TOX2: variants seen among roughly 807,000 people sequenced by gnomAD.
The protein encoded by TOX2 is TOX high mobility group box family member 2, also known as granulosa cell HMG box 1.
TOX2 carries 15 observed loss-of-function variants against 47.4 expected under a neutral mutation model. That is an observed-to-expected ratio of 0.32 (90% CI 0.21 to 0.49). The LOEUF (loss-of-function observed/expected upper bound fraction) is 0.49, where lower values mean the gene tolerates loss of function less well. Among genes scored for constraint, TOX2 ranks in the 20% least tolerant of loss-of-function variants. The probability of loss-of-function intolerance (pLI) is 0.99; values close to 1 mark genes in which losing one functional copy is unlikely to be tolerated. For missense variants in TOX2, 622 were observed against 673.1 expected, an observed-to-expected ratio of 0.92 and a Z score of 0.84; for synonymous variants, 290 against 296.6, an observed-to-expected ratio of 0.98 and a Z score of 0.23.
At chr20:43,925,910 C>T (rs1292073059) in intron 1 of TOX2, among the ~76,000 whole-genome samples, 1 of 152,142 alleles carries the variant, frequency 6.6e-6, no homozygotes, top group Non-Finnish European at 1.5e-5. Context: ...GGAATTTGGC[C>T]CGAGCTTGCT....
intron 1 of TOX2, among the ~76,000 whole-genome samples, chr20:43,920,868 C>T (rs1338609883): frequency 1.3e-5 from 2 of 152,290 alleles, no homozygotes; most frequent in South Asian, 2.1e-4. Context: ...GGGAATGGTG[C>T]TTTTTGAGGA....
Position 44,069,022 on chromosome 20 carries a change from C to T in TOX2, c.*336C>T, listed in dbSNP as rs1366912329. 2 of 453,892 alleles carry T rather than the reference C, an allele frequency of 4.4e-6. No homozygotes were observed. The highest frequency in any genetic ancestry group is 3.7e-5 in the South Asian group (2 of 53,394). 28.1% of individuals were successfully genotyped at this position (453,892 alleles called of 1,614,324 possible). ...CCAGCCCCAGCCCAGGTGGGCCGCCCCTGGCGGGGTCGCTTACCAACGGAC... is the reference window on the plus strand; with the variant it reads ...CCAGCCCCAGCCCAGGTGGGCCGCCTCTGGCGGGGTCGCTTACCAACGGAC... On this transcript the variant is annotated 3_prime_UTR_variant, in exon 9 of 9. Coordinates refer to ENST00000341197, the MANE Select transcript of TOX2 (RefSeq NM_001098797.2).
At chr20:44,028,103 C>A (rs2071093003) in intron 3 of TOX2, among the ~76,000 whole-genome samples, 1 of 152,186 alleles carries the variant, frequency 6.6e-6, no homozygotes, top group African/African-American at 2.4e-5. Flanking sequence ...ACAGCTGTGA[C>A]AAGTTCAATG....
At chr20:43,942,384 A>G (rs754267398) in intron 1 of TOX2, among the ~76,000 whole-genome samples, 55 of 152,360 alleles carry the variant, frequency 3.6e-4, no homozygotes, top group Non-Finnish European at 6.6e-4. Flanking sequence ...GAACAGCTGA[A>G]CAACAAGGAA....
At chr20:43,956,664 G>A (rs1014772827) in intron 1 of TOX2, among the ~76,000 whole-genome samples, 1 of 151,946 alleles carries the variant, frequency 6.6e-6, no homozygotes, top group Non-Finnish European at 1.5e-5. Context: ...AAGCCCTTGA[G>A]TGCTCGTCCC....
At chr20:43,966,587 G>A (rs1413541038) in intron 1 of TOX2, among the ~76,000 whole-genome samples, 7 of 151,910 alleles carry the variant, frequency 4.6e-5, no homozygotes, top group African/African-American at 1.5e-4. Flanking sequence ...GTGAAACCCC[G>A]TCTCTAAAAA....
chr20:44,000,118 C>T (rs1014875111), intron 2 of TOX2, among the ~76,000 whole-genome samples: 44 of 152,216 alleles, frequency 2.9e-4, no homozygotes, highest in African/African-American at 7.2e-4. Context: ...TAAAAAAGGA[C>T]GTGGGACTGG....
In TOX2 at chr20:43,966,103, G is replaced by A. The variant is rs182130335; in HGVS notation, c.100-7264G>A. ...TAATGCTAACTCATAGCTGATGTCTGATAACAGATACCAAGAACCTTATGA... is the reference window on the plus strand; with the variant it reads ...TAATGCTAACTCATAGCTGATGTCTAATAACAGATACCAAGAACCTTATGA... On this transcript the variant is annotated intron_variant, in intron 1 of 8. Transcript: ENST00000341197. Among the ~76,000 whole-genome samples the A allele has an allele frequency of 2.2e-4, 33 of 152,338 alleles. No homozygotes were observed. In the East Asian group the frequency reaches 5.6e-3, roughly 26 times the overall value.
At chr20:44,014,564 T>C (rs77864591) in intron 3 of TOX2, among the ~76,000 whole-genome samples, 1,807 of 152,218 alleles carry the variant, frequency 0.012, 36 homozygotes, top group African/African-American at 0.041. Context: ...CTCCCCTCCT[T>C]GTTACCCCCA....
At chr20:44,042,868 C>T (rs1282562630) in intron 3 of TOX2, among the ~76,000 whole-genome samples, 1 of 152,088 alleles carries the variant, frequency 6.6e-6, no homozygotes, top group Non-Finnish European at 1.5e-5. Context: ...GTGTGAAAGA[C>T]ATAGGATTCA....
rs188161989 is a variant in TOX2, at chr20:43,951,366, G to A, written c.100-22001G>A. Among the ~76,000 whole-genome samples, 9 of 152,176 alleles carry A rather than the reference G, an allele frequency of 5.9e-5. No homozygotes were observed. In the East Asian group the frequency reaches 9.7e-4, roughly 16 times the overall value. On this transcript the variant is annotated intron_variant, in intron 1 of 8. Transcript: ENST00000341197. ...GAGGCGGGTGGATCACTTGAGTACC[G>A]GAGTTCAAGACCAGCCTGGCTAACA...
chr20:43,978,185 A>G (rs2145493748), intron 2 of TOX2, among the ~76,000 whole-genome samples: 1 of 152,266 alleles, frequency 6.6e-6, no homozygotes, highest in African/African-American at 2.4e-5. Flanking sequence ...TCTTTGGAAA[A>G]TTGGAACTGT....
intron 8 of TOX2, among the ~76,000 whole-genome samples, chr20:44,067,728 G>T (rs2071854404): frequency 6.6e-6 from 1 of 152,144 alleles, no homozygotes; most frequent in African/African-American, 2.4e-5. Flanking sequence ...GGGGAAGAGT[G>T]ACCTTTCAAC....
intron 2 of TOX2, among the ~76,000 whole-genome samples, chr20:43,978,468 A>G (rs1451420352): frequency 6.8e-6 from 1 of 148,010 alleles, no homozygotes; most frequent in Non-Finnish European, 1.5e-5. Flanking sequence ...AGAGTCAGAA[A>G]AACTAGCTAT....
At chr20:43,937,473 G>A (rs1483675590) in intron 1 of TOX2, among the ~76,000 whole-genome samples, 1 of 152,086 alleles carries the variant, frequency 6.6e-6, no homozygotes, top group Non-Finnish European at 1.5e-5. Context: ...AGGGGGAGGA[G>A]GAAGCAAGGA....
intron 1 of TOX2, among the ~76,000 whole-genome samples, chr20:43,917,350 G>A (rs2145825089): frequency 6.6e-6 from 1 of 152,284 alleles, no homozygotes; most frequent in Middle Eastern, 3.4e-3. Flanking sequence ...AAATGCCCAA[G>A]CTCCACCTTT....
At chr20:43,996,653 T>G (rs766569242) in intron 2 of TOX2, among the ~76,000 whole-genome samples, 1 of 152,062 alleles carries the variant, frequency 6.6e-6, no homozygotes, top group Non-Finnish European at 1.5e-5. Context: ...TTTTTCTTGC[T>G]TGGGTGTGTG....
intron 5 of TOX2, among the ~76,000 whole-genome samples, chr20:44,060,605 C>A (rs190483070): frequency 2.6e-5 from 4 of 151,996 alleles, no homozygotes; most frequent in African/African-American, 9.7e-5. Context: ...CAAAAGGAAC[C>A]CTCAAAACAA....
intron 3 of TOX2, among the ~76,000 whole-genome samples, chr20:44,044,650 G>A (rs544391130): frequency 2.0e-5 from 3 of 152,220 alleles, no homozygotes; most frequent in South Asian, 2.1e-4. Context: ...TGTAGAAACC[G>A]CAACCGGAAC....
Sources: allele counts gnomAD v4.1 joint callset (sites outside exome capture counted in the v4.1 genomes callset), GRCh38; gene constraint gnomAD v4.1.1; transcripts MANE v1.5; gene names NCBI Gene and HGNC (gene_info 2026-07-23, HGNC 2026-07-21).